The following SLC17A2 variants were observed in gnomAD, a reference collection of about 807,000 sequenced individuals.
SLC17A2 encodes the protein solute carrier family 17 member 2.
In SLC17A2, 38 loss-of-function variants were observed where a neutral mutation model predicts 52.1. That is an observed-to-expected ratio of 0.73 (90% CI 0.56 to 0.96). SLC17A2 has a LOEUF of 0.96. Among genes scored for constraint, SLC17A2 ranks in the 40% least tolerant of loss-of-function variants. The probability of loss-of-function intolerance (pLI) is 0.00; values close to 1 mark genes in which losing one functional copy is unlikely to be tolerated. For synonymous variants in SLC17A2, 226 were observed against 211.9 expected (o/e 1.07, Z -0.58); for missense variants, 508 against 583.9 (o/e 0.87, Z 1.34).
At chr6:25,919,699 C>CAAAAAAA (rs766352177) in intron 5 of SLC17A2, among the ~76,000 whole-genome samples, 340 of 31,150 alleles carry the variant, frequency 0.011, 35 homozygotes, top group Middle Eastern at 0.05. Context: ...GACACCGTCT[C>CAAAAAAA]AAAAAAAAAA....
In SLC17A2 at chr6:25,923,834, T is replaced by A; in HGVS notation, c.101A>T (p.Gln34Leu). 6.2e-7 allele frequency: 1 copy of A among 1,614,238 alleles called. No homozygotes were observed. The highest frequency in any genetic ancestry group is 8.5e-7 in the Non-Finnish European group (1 of 1,180,040). ...MHFSNFTMIT[Q>L]RVSLSIAIIA... is the part of the protein sequence containing the mutation. ...GATCGCAATGCTCAGACTCACACGC[T>A]GCGTTATCATGGTGAAGTTTGAGAA... Residue 34 changes from glutamine to leucine, a missense_variant, in exon 3 of 12, where the codon CAG becomes CTG. By Grantham distance (113) the Gln-to-Leu change is moderately radical. Coordinates refer to ENST00000377850, the MANE Select transcript of SLC17A2 (RefSeq NM_001286123.3).
At chr6:25,925,660 A>G (rs1766736064) in intron 2 of SLC17A2, 109 bp downstream of exon 2, 9 of 1,025,842 alleles carry the variant, frequency 8.8e-6, no homozygotes, top group Middle Eastern at 2.0e-4. Flanking sequence ...CTCCAATGTT[A>G]CACTGGGAGT....
In SLC17A2 at chr6:25,923,771, G is replaced by T. The variant is rs1421637812; in HGVS notation, c.164C>A (p.Ser55Tyr). 6.2e-7 allele frequency: 1 copy of T among 1,614,074 alleles called. No homozygotes were observed. The highest frequency in any genetic ancestry group is 8.5e-7 in the Non-Finnish European group (1 of 1,180,032). The change falls in exon 3 of 12, where the codon TCT becomes TAT. Residue 55 changes from serine (S) to tyrosine (Y), a missense_variant. Transcript: ENST00000377850. Reference sequence around the variant, plus strand: ...AACAGGCCCCTCAGTGGAGGCATTAGATAGACCTTGCTGCTGAGTGGTGTT... The same window carrying T: ...AACAGGCCCCTCAGTGGAGGCATTATATAGACCTTGCTGCTGAGTGGTGTT... ...MVNTTQQQGL[S>Y]NASTEGPVAD... is the part of the protein sequence containing the mutation.
intron 3 of SLC17A2, among the ~76,000 whole-genome samples, chr6:25,921,691 T>G (rs550210519): frequency 1.3e-5 from 2 of 152,278 alleles, no homozygotes; most frequent in South Asian, 4.1e-4. Context: ...TGAGAGATAT[T>G]TCATCTGTGA....
Position 25,924,018 on chromosome 6 carries a change from G to A in SLC17A2, c.29-112C>T, listed in dbSNP as rs891650620. On this transcript the variant is annotated intron_variant, in intron 2 of 11. Coordinates refer to ENST00000377850, the MANE Select transcript of SLC17A2 (RefSeq NM_001286123.3). ...TTTGGATGACACATGAAGTCTCATT[G>A]TCTTTTTTTCACCAAAATAGCCAGC... 23 of 855,560 alleles carry A rather than the reference G, an allele frequency of 2.7e-5. No homozygotes were observed. The African/African-American group carries it at 3.5e-4, about 13-fold the overall frequency. 53.0% of individuals were successfully genotyped at this position (855,560 alleles called of 1,614,324 possible). A position where few individuals can be genotyped will look rare whatever the true frequency, so the allele number is the denominator to read the frequency against.
chr6:25,915,149 G>GTATGTATATATATATATA (rs1554137786), intron 10 of SLC17A2, among the ~76,000 whole-genome samples: 2 of 57,898 alleles, frequency 3.5e-5, no homozygotes, highest in East Asian at 2.9e-4. Flanking sequence ...TATTGTGACT[G>GTATGTATATATATATATA]TATATATATA....
intron 3 of SLC17A2, among the ~76,000 whole-genome samples, chr6:25,922,585 C>T (rs1015969087): frequency 2.0e-5 from 3 of 151,948 alleles, no homozygotes; most frequent in South Asian, 4.1e-4. Context: ...GATATGTAGA[C>T]GGGATAATGG....
rs1766230131 is a variant in SLC17A2 at position 25,914,589 on chromosome 6, G to A, written c.1293C>T (p.Leu431=). The change falls in exon 11 of 12, where the codon CTC becomes CTT. Residue 431 remains leucine (L), a synonymous_variant. Coordinates refer to ENST00000377850, the MANE Select transcript of SLC17A2 (RefSeq NM_001286123.3). The part of the protein sequence containing the change: ...GIISSTATGF[L]ISQDFESGWR... ...AATAAACTGGCCCAACCTGACTGAT[G>A]AGGAATCCAGTGGCAGTGGAAGAGA... 4 of 1,608,736 alleles carry A rather than the reference G, an allele frequency of 2.5e-6. No homozygotes were observed. The East Asian group carries it at 6.7e-5, about 27-fold the overall frequency.
At chr6:25,923,608 A>G in intron 3 of SLC17A2, 87 bp downstream of exon 3, 1 of 965,296 alleles carries the variant, frequency 1.0e-6, no homozygotes, top group Non-Finnish European at 1.6e-6. Context: ...GGAAATGTAT[A>G]CTTCCATACT....
Position 25,919,170 on chromosome 6 carries a change from A to G in SLC17A2, c.563-597T>C, listed in dbSNP as rs139519808. 2.4e-3 allele frequency among the ~76,000 whole-genome samples: 358 copies of G among 152,296 alleles called. 1 individual carries two copies. The highest frequency in any genetic ancestry group is 8.0e-3 in the African/African-American group (331 of 41,556). On this transcript the variant is annotated intron_variant, in intron 5 of 11. Coordinates refer to ENST00000377850, the MANE Select transcript of SLC17A2 (RefSeq NM_001286123.3). ...AACACTTGTACATACAACCACACAC[A>G]TATGCCTCAAACGATGGTTTCATGA... is the stretch of plus-strand genomic sequence containing the variant.
chr6:25,918,724 C>A, intron 5 of SLC17A2, 151 bp from the exon 6 acceptor site: 1 of 595,208 alleles, frequency 1.7e-6, no homozygotes, highest in South Asian at 2.1e-5. Context: ...AGATTTTCCC[C>A]AGTAAAGTAA....
rs996415629 is a variant in SLC17A2 at position 25,921,197 on chromosome 6, T to C, written c.456A>G (p.Thr152=). 5 of 1,613,922 alleles carry C rather than the reference T, an allele frequency of 3.1e-6. No individual in the cohort carries two copies. The highest frequency in any genetic ancestry group is 4.2e-6 in the Non-Finnish European group (5 of 1,180,010). The change falls in exon 4 of 12, where the codon ACA becomes ACG. Residue 152 remains threonine, a synonymous_variant. Transcript: ENST00000377850. ...TGGATACCTGGGCCATGCCCTGGAC[T>C]GTCCGAACCATGATGACCAAAATCA... The part of the protein sequence containing the change: ...FGVILVIMVR[T]VQGMAQGMAW...
intron 5 of SLC17A2, 85 bp from the exon 6 acceptor site, chr6:25,918,658 G>T: frequency 1.2e-6 from 1 of 816,136 alleles, no homozygotes; most frequent in South Asian, 1.5e-5. Flanking sequence ...CCAACAGTGA[G>T]GTGGCAGACT....
At chr6:25,921,945 A>T (rs908931714) in intron 3 of SLC17A2, among the ~76,000 whole-genome samples, 2 of 151,970 alleles carry the variant, frequency 1.3e-5, no homozygotes, top group Admixed American at 1.3e-4. Flanking sequence ...AATTTGAATT[A>T]TTTTAAAATA....
At chr6:25,922,886 G>C (rs1187205060) in intron 3 of SLC17A2, among the ~76,000 whole-genome samples, 1 of 152,136 alleles carries the variant, frequency 6.6e-6, no homozygotes, top group Non-Finnish European at 1.5e-5. Context: ...AGGAAGCAAT[G>C]CTGAAATAGA....
rs777827666 is a variant in SLC17A2, at chr6:25,925,822, C to T, written c.-26G>A. ...TTAGCTTCTGTGGGAAATGGTACCA[C>T]GCTTTGTGGTGGAGTTTCCCTGTGC... is the stretch of plus-strand genomic sequence containing the variant. On this transcript the variant is annotated 5_prime_UTR_variant, in exon 2 of 12. In the 5' UTR this introduces an upstream ATG that the reference lacks. Coordinates refer to ENST00000377850, the MANE Select transcript of SLC17A2 (RefSeq NM_001286123.3). 1.4e-5 allele frequency: 23 copies of T among 1,613,748 alleles called. No homozygotes were observed. Among genetic ancestry groups the T allele is most frequent in the East Asian group, 6.7e-5 (3 of 44,892 alleles).
In SLC17A2 at chr6:25,930,343, C is replaced by A. The variant is rs529204222; in HGVS notation, c.-150G>T. The stretch of plus-strand genomic sequence containing the variant: ...GTACCAGTGGCTTCTCAAGCCTTGC[C>A]CTAGGGTCTTCATTGAATCAGTTAT... On this transcript the variant is annotated 5_prime_UTR_variant, in exon 1 of 12. Coordinates refer to ENST00000377850, the MANE Select transcript of SLC17A2 (RefSeq NM_001286123.3). 1 of 152,292 alleles carries A rather than the reference C, an allele frequency of 6.6e-6. No homozygotes were observed. Among genetic ancestry groups the A allele is most frequent in the Non-Finnish European group, 1.5e-5 (1 of 68,040 alleles). 9.4% of individuals were successfully genotyped at this position (152,292 alleles called of 1,614,324 possible). A position where few individuals can be genotyped will look rare whatever the true frequency, so the allele number is the denominator to read the frequency against.
At chr6:25,924,332 G>C (rs1438965710) in intron 2 of SLC17A2, among the ~76,000 whole-genome samples, 1 of 152,162 alleles carries the variant, frequency 6.6e-6, no homozygotes, top group African/African-American at 2.4e-5. Flanking sequence ...AAGCTTGAGA[G>C]TTTATACATA....
intron 1 of SLC17A2, among the ~76,000 whole-genome samples, chr6:25,929,799 TTTATTA>T (rs777093885): frequency 6.6e-6 from 1 of 152,048 alleles, no homozygotes; most frequent in Non-Finnish European, 1.5e-5. Context: ...CTCCTTTTCT[TTTATTA>T]TTATTATTTT....
Sources: allele counts gnomAD v4.1 joint callset (sites outside exome capture counted in the v4.1 genomes callset), GRCh38; gene constraint gnomAD v4.1.1; transcripts MANE v1.5; gene names NCBI Gene and HGNC (gene_info 2026-07-23, HGNC 2026-07-21).